RANBP2: variants seen among roughly 807,000 people sequenced by gnomAD.
The protein encoded by RANBP2 is RAN binding protein 2.
Under a neutral mutation model 303.6 loss-of-function variants are expected in RANBP2, and 57 were observed. The ratio of observed to expected loss-of-function variants is 0.19; its 90% CI spans 0.15 to 0.23. The LOEUF (loss-of-function observed/expected upper bound fraction) is 0.23, where lower values mean the gene tolerates loss of function less well. Ranked by LOEUF, RANBP2 falls within the 10% of genes least tolerant of loss-of-function variation. The pLI, the probability that RANBP2 is intolerant of heterozygous loss-of-function variation, is 1.00. For missense variants in RANBP2, 3,138 were observed against 3,780.8 expected (o/e 0.83, Z 4.46); for synonymous variants, 1,167 against 1,301.5 (o/e 0.90, Z 2.23).
the RANBP2 span, among the ~76,000 whole-genome samples, chr2:108,923,091 C>T: frequency 3.6e-4 from 55 of 152,270 alleles, no homozygotes; most frequent in South Asian, 6.2e-4. Flanking sequence ...CCCATATTAC[C>T]GATGAGAAAA....
At chr2:109,541,538 T>C in the RANBP2 span, among the ~76,000 whole-genome samples, 1 of 152,122 alleles carries the variant, frequency 6.6e-6, no homozygotes, top group Non-Finnish European at 1.5e-5. Context: ...TTTCAATGGC[T>C]CCCACTGCCT....
the RANBP2 span, chr2:109,574,558 GTTGATTCC>G: frequency 7.0e-7 from 1 of 1,431,660 alleles, no homozygotes; most frequent in Non-Finnish European, 9.2e-7. Flanking sequence ...AGTATGGTAA[GTTGATTCC>G]TTTCCTCAAC....
At chr2:109,621,427 C>T in the RANBP2 span, among the ~76,000 whole-genome samples, 2 of 152,022 alleles carry the variant, frequency 1.3e-5, no homozygotes, top group South Asian at 4.2e-4. Context: ...GCTGGGATTA[C>T]ATGTGTGAGC....
chr2:109,043,479 A>C, the RANBP2 span, among the ~76,000 whole-genome samples: 2 of 152,002 alleles, frequency 1.3e-5, no homozygotes, highest in Non-Finnish European at 2.9e-5. Flanking sequence ...AGTAGCTGGG[A>C]CTACAGGCGC....
chr2:109,347,702 C>T, the RANBP2 span: 4 of 1,613,814 alleles, frequency 2.5e-6, no homozygotes, highest in Non-Finnish European at 3.4e-6. Flanking sequence ...TATGGCAAGG[C>T]CCTCTACAGC....
chr2:108,828,677 C>T, the RANBP2 span, among the ~76,000 whole-genome samples: 29 of 152,220 alleles, frequency 1.9e-4, no homozygotes, highest in East Asian at 4.8e-3. Flanking sequence ...TTACCTTATA[C>T]GATATGTAAA....
At chr2:109,335,995 G>A in the RANBP2 span, among the ~76,000 whole-genome samples, 2 of 152,090 alleles carry the variant, frequency 1.3e-5, no homozygotes, top group Admixed American at 6.5e-5. Flanking sequence ...CGAGACATTC[G>A]GGCTGATTTA....
At chr2:109,287,667 T>C in the RANBP2 span, among the ~76,000 whole-genome samples, 1 of 152,178 alleles carries the variant, frequency 6.6e-6, no homozygotes, top group African/African-American at 2.4e-5. Context: ...GTGTTCCCCT[T>C]CTGGGCCCTC....
the RANBP2 span, among the ~76,000 whole-genome samples, chr2:109,077,103 A>G: frequency 6.6e-6 from 1 of 150,636 alleles, no homozygotes; most frequent in Non-Finnish European, 1.5e-5. Context: ...TGGCTAACTA[A>G]TTTTCAACAA....
chr2:109,711,843 G>GT, the RANBP2 span, among the ~76,000 whole-genome samples: 1 of 152,100 alleles, frequency 6.6e-6, no homozygotes, highest in Non-Finnish European at 1.5e-5. Context: ...TGTCCGTTGT[G>GT]TGTTTATCAT....
At chr2:108,856,980 T>A in the RANBP2 span, 1 of 1,527,548 alleles carries the variant, frequency 6.5e-7, no homozygotes, top group East Asian at 2.3e-5. Context: ...AGTAAGTTTT[T>A]AAGTTCTATA....
At chr2:109,739,917 T>C in the RANBP2 span, among the ~76,000 whole-genome samples, 7 of 149,678 alleles carry the variant, frequency 4.7e-5, no homozygotes, top group Admixed American at 4.7e-4. Flanking sequence ...TTTTTTTTTT[T>C]GTTATAAAAT....
intron 25 of RANBP2, among the ~76,000 whole-genome samples, chr2:108,780,715 CTT>C (rs1176254216): frequency 7.1e-6 from 1 of 140,352 alleles, no homozygotes. Flanking sequence ...TTCTTTCTTT[CTT>C]TTTTTTTTTG....
the RANBP2 span, among the ~76,000 whole-genome samples, chr2:109,533,293 G>C: frequency 6.6e-6 from 1 of 152,258 alleles, no homozygotes; most frequent in Non-Finnish European, 1.5e-5. Context: ...TGCGCTCACT[G>C]CTGACCTGGG....
chr2:109,447,798 A>C, the RANBP2 span, among the ~76,000 whole-genome samples: 1 of 152,230 alleles, frequency 6.6e-6, no homozygotes, highest in Admixed American at 6.5e-5. Context: ...GTATCTTTTC[A>C]TATGGGAGAT....
At chr2:109,313,540 T>C in the RANBP2 span, 2 of 154,892 alleles carry the variant, frequency 1.3e-5, no homozygotes, top group African/African-American at 4.8e-5. Flanking sequence ...GTCTTAAGCA[T>C]CACTGAGGAA....
At chr2:109,597,168 T>C in the RANBP2 span, among the ~76,000 whole-genome samples, 1 of 152,116 alleles carries the variant, frequency 6.6e-6, no homozygotes, top group African/African-American at 2.4e-5. Context: ...CTCGAACTCC[T>C]GAGCTGAAGC....
At chr2:109,015,066 G>A in the RANBP2 span, among the ~76,000 whole-genome samples, 1 of 138,084 alleles carries the variant, frequency 7.2e-6, no homozygotes, top group Non-Finnish European at 1.5e-5. Flanking sequence ...GTTGCAGTAA[G>A]CCGAGATCAC....
chr2:109,638,388 A>C, the RANBP2 span, among the ~76,000 whole-genome samples: 2 of 152,218 alleles, frequency 1.3e-5, no homozygotes, highest in Non-Finnish European at 2.9e-5. Flanking sequence ...TTTCATTTTC[A>C]TGTTCCATCA....
Sources: allele counts gnomAD v4.1 joint callset (sites outside exome capture counted in the v4.1 genomes callset), GRCh38; gene constraint gnomAD v4.1.1; transcripts MANE v1.5; gene names NCBI Gene and HGNC (gene_info 2026-07-23, HGNC 2026-07-21).